KIAA0825: variants seen among roughly 807,000 people sequenced by gnomAD.
KIAA0825 encodes the protein uncharacterized protein KIAA0825.
In KIAA0825, 119 loss-of-function variants were observed where a neutral mutation model predicts 147.6. The ratio of observed to expected loss-of-function variants is 0.81; its 90% CI spans 0.69 to 0.94. The LOEUF is 0.94. KIAA0825 is among the 40% of genes least tolerant of loss of function. KIAA0825 has a pLI of 0.00. For missense variants in KIAA0825, 1,381 were observed against 1,472.7 expected (o/e 0.94, Z 1.02); for synonymous variants, 470 against 518.1 (o/e 0.91, Z 1.26).
At chr5:94,251,055 C>T (rs1273585572) in intron 20 of KIAA0825, among the ~76,000 whole-genome samples, 1 of 152,128 alleles carries the variant, frequency 6.6e-6, no homozygotes, top group South Asian at 2.1e-4. Flanking sequence ...CTAATATGGA[C>T]GAACCAATTA....
intron 20 of KIAA0825, among the ~76,000 whole-genome samples, chr5:94,186,766 G>C (rs1302157330): frequency 1.3e-5 from 2 of 152,196 alleles, no homozygotes; most frequent in African/African-American, 2.4e-5. Flanking sequence ...AGTTTGGTAA[G>C]AGCAGGAGCT....
At chr5:94,230,138 T>G (rs1300033780) in intron 20 of KIAA0825, among the ~76,000 whole-genome samples, 1 of 152,068 alleles carries the variant, frequency 6.6e-6, no homozygotes. Flanking sequence ...ACTTCCAAAT[T>G]TTAGTATTTG....
chr5:94,239,325 C>T (rs539384527), intron 20 of KIAA0825, among the ~76,000 whole-genome samples: 5 of 152,250 alleles, frequency 3.3e-5, no homozygotes, highest in South Asian at 2.1e-4. Flanking sequence ...ATATGAGAAA[C>T]GGTCTCAGAG....
intron 13 of KIAA0825, among the ~76,000 whole-genome samples, chr5:94,452,363 T>C (rs376281340): frequency 5.6e-4 from 86 of 152,326 alleles, no homozygotes; most frequent in African/African-American, 1.9e-3. Flanking sequence ...GGATTAACAA[T>C]ATCTCCTTTA....
intron 1 of KIAA0825, among the ~76,000 whole-genome samples, chr5:94,602,626 G>C (rs531397508): frequency 6.6e-6 from 1 of 152,098 alleles, no homozygotes; most frequent in South Asian, 2.1e-4. Flanking sequence ...TTTTATAACG[G>C]GCTTCCCTCT....
chr5:94,447,819 G>T (rs1046267681), intron 13 of KIAA0825, among the ~76,000 whole-genome samples: 1 of 152,042 alleles, frequency 6.6e-6, no homozygotes, highest in Non-Finnish European at 1.5e-5. Flanking sequence ...AAAAAGCCCA[G>T]TGGAAAGAAA....
At chr5:94,293,085 G>A (rs1464838292) in intron 20 of KIAA0825, among the ~76,000 whole-genome samples, 1 of 150,288 alleles carries the variant, frequency 6.7e-6, no homozygotes, top group Non-Finnish European at 1.5e-5. Context: ...TTGATTTTTG[G>A]AAAGGTTTTA....
chr5:94,347,049 C>T (rs1200856364), intron 20 of KIAA0825, among the ~76,000 whole-genome samples: 2 of 152,128 alleles, frequency 1.3e-5, no homozygotes, highest in African/African-American at 4.8e-5. Flanking sequence ...TTCCCCACTT[C>T]CCTGACAACC....
At chr5:94,258,925 G>T (rs763983783) in intron 20 of KIAA0825, among the ~76,000 whole-genome samples, 2 of 151,896 alleles carry the variant, frequency 1.3e-5, no homozygotes, top group Admixed American at 1.3e-4. Flanking sequence ...AATCTCTCAC[G>T]ACTCCATTGG....
chr5:94,433,565 A>G (rs1755970415), intron 14 of KIAA0825, among the ~76,000 whole-genome samples: 2 of 152,284 alleles, frequency 1.3e-5, no homozygotes, highest in South Asian at 2.1e-4. Flanking sequence ...GTGTGAATGG[A>G]AACAGAATTT....
chr5:94,606,793 C>T (rs907372276), intron 1 of KIAA0825, among the ~76,000 whole-genome samples: 2 of 152,176 alleles, frequency 1.3e-5, no homozygotes, highest in Non-Finnish European at 2.9e-5. Flanking sequence ...GCTCGTGGTT[C>T]TGCAGGCTGT....
At chr5:94,601,672 C>T (rs1354294283) in intron 1 of KIAA0825, among the ~76,000 whole-genome samples, 1 of 152,054 alleles carries the variant, frequency 6.6e-6, no homozygotes, top group Non-Finnish European at 1.5e-5. Flanking sequence ...CAGGAGCTGA[C>T]AAAATATCCA....
Position 94,396,474 on chromosome 5 carries a change from C to G in KIAA0825, c.2923G>C (p.Val975Leu), listed in dbSNP as rs1487360185. Residue 975 changes from valine to leucine, a missense_variant, in exon 17 of 21, where the codon GTA becomes CTA. By Grantham distance (32) the Val-to-Leu change is conservative (BLOSUM62 1). Coordinates refer to ENST00000682413, the MANE Select transcript of KIAA0825 (RefSeq NM_001145678.3). ...TRLTAQAVSI[V>L]ISKLPTVIAC... The stretch of plus-strand genomic sequence containing the variant: ...ATCACCGTAGGTAACTTGCTGATTA[C>G]AATAGATACTGCCTGAGCAGTAAGC... The G allele has an allele frequency of 1.3e-6, 2 of 1,521,582 alleles. No homozygotes were observed. Among genetic ancestry groups the G allele is most frequent in the Non-Finnish European group, 1.8e-6 (2 of 1,134,668 alleles). 94.3% of individuals were successfully genotyped at this position (1,521,582 alleles called of 1,614,324 possible). A position where few individuals can be genotyped will look rare whatever the true frequency, so the allele number is the denominator to read the frequency against.
At chr5:94,251,131 A>C (rs1686656587) in intron 20 of KIAA0825, among the ~76,000 whole-genome samples, 1 of 151,942 alleles carries the variant, frequency 6.6e-6, no homozygotes, top group Admixed American at 6.6e-5. Context: ...TTTCGACAAC[A>C]CTCAACAGTC....
chr5:94,230,028 C>G (rs1774548138), intron 20 of KIAA0825, among the ~76,000 whole-genome samples: 2 of 151,916 alleles, frequency 1.3e-5, no homozygotes, highest in Non-Finnish European at 2.9e-5. Flanking sequence ...AATCCAAATC[C>G]CTAAAGAACT....
At chr5:94,221,188 A>T (rs1214096514) in intron 20 of KIAA0825, among the ~76,000 whole-genome samples, 1 of 152,150 alleles carries the variant, frequency 6.6e-6, no homozygotes, top group African/African-American at 2.4e-5. Flanking sequence ...TTGTGGTCTC[A>T]GGGGTAGAGC....
chr5:94,199,421 C>T (rs1771452453), intron 20 of KIAA0825, among the ~76,000 whole-genome samples: 1 of 152,142 alleles, frequency 6.6e-6, no homozygotes, highest in African/African-American at 2.4e-5. Context: ...CCAGAGGAGC[C>T]AAGGTACTCC....
chr5:94,428,842 G>A (rs1385046147), intron 14 of KIAA0825, among the ~76,000 whole-genome samples: 1 of 151,994 alleles, frequency 6.6e-6, no homozygotes, highest in Non-Finnish European at 1.5e-5. Context: ...ATAATTAATG[G>A]ACTTGGTCAC....
chr5:94,604,930 G>GA (rs1343358332), intron 1 of KIAA0825, among the ~76,000 whole-genome samples: 1 of 151,734 alleles, frequency 6.6e-6, no homozygotes. Flanking sequence ...GACAAGAAAA[G>GA]AAGCCATTTA....
Sources: gnomAD v4.1 joint callset for allele counts (sites outside exome capture counted in the v4.1 genomes callset) on GRCh38, gnomAD v4.1.1 for gene constraint, MANE v1.5 for transcripts, NCBI Gene and HGNC (gene_info 2026-07-23, HGNC 2026-07-21) for gene names.